LRRC37A2: variants seen among roughly 807,000 people sequenced by gnomAD.
LRRC37A2 encodes leucine-rich repeat-containing protein 37A2.
LRRC37A2 carries 9 observed loss-of-function variants against 68.8 expected under a neutral mutation model. The ratio of observed to expected loss-of-function variants is 0.13; its 90% confidence interval spans 0.08 to 0.23. The LOEUF is 0.23. Among genes scored for constraint, LRRC37A2 ranks in the 10% least tolerant of loss-of-function variants. The probability of loss-of-function intolerance (pLI) is 1.00; values close to 1 mark genes in which losing one functional copy is unlikely to be tolerated. For synonymous variants in LRRC37A2, 63 were observed against 367.6 expected (o/e 0.17, Z 9.48); for missense variants, 168 against 950.4 (o/e 0.18, Z 10.82).
chr17:46,993,798 A>G, the LRRC37A2 span, among the ~76,000 whole-genome samples: 7,727 of 152,258 alleles, frequency 0.051, 270 homozygotes, highest in Non-Finnish European at 0.078. Context: ...ATTGCCCTAC[A>G]TGTGCCCGGG....
the LRRC37A2 span, among the ~76,000 whole-genome samples, chr17:46,836,095 C>CACGTGTGTGTGT: frequency 1.6e-5 from 2 of 126,502 alleles, no homozygotes; most frequent in East Asian, 5.4e-4. Flanking sequence ...GAGACGCTGA[C>CACGTGTGTGTGT]GTGTGTGTGT....
chr17:46,789,008 A>C, the LRRC37A2 span, among the ~76,000 whole-genome samples: 1 of 152,224 alleles, frequency 6.6e-6, no homozygotes, highest in East Asian at 1.9e-4. Context: ...GCTCACTCTT[A>C]GAGCAGCTCC....
the LRRC37A2 span, chr17:46,874,848 G>T: frequency 1.6e-6 from 1 of 621,992 alleles, no homozygotes; most frequent in South Asian, 1.8e-5. Context: ...AAAGTGCTGG[G>T]ATTAGGGGCA....
chr17:47,014,638 T>C, the LRRC37A2 span, among the ~76,000 whole-genome samples: 3 of 151,524 alleles, frequency 2.0e-5, no homozygotes, highest in Non-Finnish European at 2.9e-5. Context: ...ATTACTACAG[T>C]TGTGGACACA....
At chr17:46,998,264 C>G in the LRRC37A2 span, among the ~76,000 whole-genome samples, 2 of 152,198 alleles carry the variant, frequency 1.3e-5, no homozygotes, top group Non-Finnish European at 2.9e-5. Flanking sequence ...GAGAAGGCTA[C>G]GGGGTATGCT....
At chr17:46,873,866 G>A in the LRRC37A2 span, among the ~76,000 whole-genome samples, 13 of 152,008 alleles carry the variant, frequency 8.6e-5, no homozygotes, top group South Asian at 1.7e-3. Context: ...GCAGGAGCCT[G>A]TAATCCCAGC....
the LRRC37A2 span, among the ~76,000 whole-genome samples, chr17:47,007,448 G>A: frequency 6.6e-6 from 1 of 152,230 alleles, no homozygotes; most frequent in Non-Finnish European, 1.5e-5. Context: ...AAAGTGCTGG[G>A]ATTGCAGGCG....
the LRRC37A2 span, chr17:46,886,340 A>G: frequency 6.6e-6 from 1 of 152,258 alleles, no homozygotes; most frequent in Admixed American, 6.5e-5. Context: ...AAAGATGCAT[A>G]GAACTATTGG....
the LRRC37A2 span, among the ~76,000 whole-genome samples, chr17:46,780,874 A>C: frequency 5.3e-5 from 8 of 152,202 alleles, no homozygotes; most frequent in Non-Finnish European, 7.3e-5. Flanking sequence ...AGACAACCCA[A>C]GAGTCCTCAG....
chr17:47,021,120 G>C, the LRRC37A2 span, among the ~76,000 whole-genome samples: 312 of 152,324 alleles, frequency 2.0e-3, 7 homozygotes, highest in East Asian at 0.052. Context: ...TTGATTATCA[G>C]CTACAGGAGT....
At chr17:46,695,131 G>T in the LRRC37A2 span, among the ~76,000 whole-genome samples, 1 of 72,150 alleles carries the variant, frequency 1.4e-5, no homozygotes, top group African/African-American at 7.2e-5. Context: ...CTGTAGTCCC[G>T]GCTACTCGGG....
At chr17:46,739,015 C>T in the LRRC37A2 span, among the ~76,000 whole-genome samples, 25 of 151,712 alleles carry the variant, frequency 1.6e-4, no homozygotes, top group African/African-American at 2.2e-4. Context: ...GCAGGAGGAT[C>T]GCTTGAGTCC....
chr17:46,918,143 G>C, the LRRC37A2 span, among the ~76,000 whole-genome samples: 2 of 152,136 alleles, frequency 1.3e-5, no homozygotes, highest in Non-Finnish European at 2.9e-5. Context: ...GCAGCGGCGC[G>C]ATCTCAGCTC....
At chr17:46,598,792 C>T in the LRRC37A2 span, among the ~76,000 whole-genome samples, 29 of 151,584 alleles carry the variant, frequency 1.9e-4, no homozygotes, top group African/African-American at 6.6e-4. Context: ...CTTTGGAACT[C>T]AAGCTGTAAA....
At chr17:47,034,348 C>G in the LRRC37A2 span, among the ~76,000 whole-genome samples, 3 of 152,136 alleles carry the variant, frequency 2.0e-5, no homozygotes, top group African/African-American at 7.2e-5. Flanking sequence ...TGCCTTAGAA[C>G]AGGAGGAAAA....
chr17:46,760,827 C>G, the LRRC37A2 span, among the ~76,000 whole-genome samples: 1 of 152,020 alleles, frequency 6.6e-6, no homozygotes, highest in Non-Finnish European at 1.5e-5. Flanking sequence ...AATCAAAATT[C>G]AAAATGCAGT....
chr17:46,500,669 T>C, the LRRC37A2 span, among the ~76,000 whole-genome samples: 10 of 151,224 alleles, frequency 6.6e-5, no homozygotes, highest in African/African-American at 2.0e-4. Flanking sequence ...GCAAATCCCT[T>C]GTTGAGTAGC....
chr17:46,911,718 A>C, the LRRC37A2 span, among the ~76,000 whole-genome samples: 1 of 152,110 alleles, frequency 6.6e-6, no homozygotes, highest in African/African-American at 2.4e-5. Context: ...CCCCGTCTCA[A>C]CTTAAAAATA....
chr17:46,544,849 C>G (rs1356070681), intron 8 of LRRC37A2, among the ~76,000 whole-genome samples: 6 of 129,782 alleles, frequency 4.6e-5, no homozygotes, highest in Middle Eastern at 3.6e-3. Context: ...AGTACAGAAT[C>G]CAATCAAAGA....
Sources: gnomAD v4.1 joint callset for allele counts (sites outside exome capture counted in the v4.1 genomes callset) on GRCh38, gnomAD v4.1.1 for gene constraint, MANE v1.5 for transcripts, NCBI Gene and HGNC (gene_info 2026-07-23, HGNC 2026-07-21) for gene names.